FAM185A: variants seen among roughly 807,000 people sequenced by gnomAD.
FAM185A encodes protein FAM185A.
A neutral mutation model predicts 45.7 loss-of-function variants in FAM185A; 21 were observed. The observed-to-expected ratio is 0.46, with a 90% CI of 0.33 to 0.66. The LOEUF (loss-of-function observed/expected upper bound fraction) is 0.66, where lower values mean the gene tolerates loss of function less well. FAM185A is among the 30% of genes least tolerant of loss of function. The pLI is 0.03. For synonymous variants in FAM185A, 117 were observed against 194.0 expected (o/e 0.60, Z 3.30); for missense variants, 305 against 485.4 (o/e 0.63, Z 3.49).
At chr7:102,845,912 AT>A in the FAM185A span, among the ~76,000 whole-genome samples, 35 of 152,338 alleles carry the variant, frequency 2.3e-4, no homozygotes, top group Non-Finnish European at 4.3e-4. Flanking sequence ...TTATCACAGC[AT>A]TATGACTAAA....
chr7:102,774,273 T>C (rs1794923160), intron 5 of FAM185A, among the ~76,000 whole-genome samples: 1 of 152,206 alleles, frequency 6.6e-6, no homozygotes, highest in South Asian at 2.1e-4. Flanking sequence ...ATACAAATGA[T>C]TTTTATAAAT....
At chr7:102,819,930 G>A in the FAM185A span, among the ~76,000 whole-genome samples, 2 of 152,194 alleles carry the variant, frequency 1.3e-5, no homozygotes, top group Non-Finnish European at 2.9e-5. Flanking sequence ...ATCGCAGAAA[G>A]CTGCATGCAA....
chr7:102,761,227 A>G, intron 3 of FAM185A, 46 bp from the exon 4 acceptor site: 1 of 1,494,262 alleles, frequency 6.7e-7, no homozygotes, highest in South Asian at 1.4e-5. Context: ...TTGGCTTTTT[A>G]CCAGTCTTTG....
the FAM185A span, among the ~76,000 whole-genome samples, chr7:102,833,951 A>T: frequency 6.6e-6 from 1 of 151,864 alleles, no homozygotes; most frequent in Non-Finnish European, 1.5e-5. Flanking sequence ...TACAAGAACA[A>T]AACAATCCAC....
intron 4 of FAM185A, among the ~76,000 whole-genome samples, chr7:102,767,629 T>C (rs1241616684): frequency 2.0e-5 from 3 of 149,756 alleles, no homozygotes; most frequent in Non-Finnish European, 3.0e-5. Flanking sequence ...GGGCATCTTA[T>C]ATACTTTTGA....
intron 7 of FAM185A, among the ~76,000 whole-genome samples, chr7:102,791,103 C>T (rs1796115105): frequency 1.3e-5 from 2 of 152,086 alleles, no homozygotes; most frequent in South Asian, 4.1e-4. Flanking sequence ...GGGAAAGTGG[C>T]ATAAAAGTAG....
At chr7:102,782,928 T>C (rs1017291230) in intron 6 of FAM185A, among the ~76,000 whole-genome samples, 3 of 150,568 alleles carry the variant, frequency 2.0e-5, no homozygotes, top group East Asian at 2.0e-4. Flanking sequence ...GAGACACACA[T>C]AGGCTCAAAA....
chr7:102,813,588 T>G, downstream of FAM185A: 1 of 1,560,376 alleles, frequency 6.4e-7, no homozygotes, highest in South Asian at 1.2e-5. Context: ...AGTGCAAAAT[T>G]TTCAAACTCA....
At chr7:102,813,411 T>C (rs866698052), downstream of FAM185A, 1 of 1,614,186 alleles carries the variant, frequency 6.2e-7, no homozygotes, top group Middle Eastern at 1.6e-4. Context: ...CTTTAGATGA[T>C]GTTATGTTGT....
chr7:102,833,596 C>CTT, the FAM185A span, among the ~76,000 whole-genome samples: 55 of 138,218 alleles, frequency 4.0e-4, 1 homozygote, highest in East Asian at 9.8e-3. Flanking sequence ...CCGGCTAATT[C>CTT]TTTTTTTTTT....
At chr7:102,762,923 A>G (rs199892444) in intron 4 of FAM185A, among the ~76,000 whole-genome samples, 11,030 of 140,046 alleles carry the variant, frequency 0.079, 639 homozygotes, top group East Asian at 0.2. Context: ...TGACTTTTAT[A>G]TAAGCATTGC....
chr7:102,808,308 G>GCAAA lies in FAM185A; in HGVS notation c.1087_1090dup (p.Arg364GlnfsTer3), dbSNP rs1797253582. The stretch of plus-strand genomic sequence containing the variant: ...GTTTTAGGACTCATGAATCAAGCAA[G>GCAAA]CAAACGTGAAAAATGGATTAAGGCT... On this transcript the variant is annotated frameshift_variant, in exon 8 of 8. Transcript: ENST00000413034. LOFTEE classifies it high-confidence loss of function. 1 of 1,551,634 alleles carries GCAAA rather than the reference G, an allele frequency of 6.4e-7. No homozygotes were observed. Among genetic ancestry groups the GCAAA allele is most frequent in the Admixed American group, 2.0e-5 (1 of 50,974 alleles).
chr7:102,834,086 A>AAGGAAAGGAAAG, the FAM185A span, among the ~76,000 whole-genome samples: 1 of 93,678 alleles, frequency 1.1e-5, no homozygotes. Flanking sequence ...GGAAGGAAAG[A>AAGGAAAGGAAAG]AAAGAAAGAA....
chr7:102,811,833 C>T (rs1797452356), downstream of FAM185A, among the ~76,000 whole-genome samples: 2 of 152,132 alleles, frequency 1.3e-5, no homozygotes, highest in South Asian at 4.1e-4. Context: ...GATTCTGTTG[C>T]CTGTGTGCCC....
At chr7:102,843,669 C>T in the FAM185A span, among the ~76,000 whole-genome samples, 1 of 151,514 alleles carries the variant, frequency 6.6e-6, no homozygotes, top group East Asian at 1.9e-4. Flanking sequence ...CCAGCTACTC[C>T]AGAGGTTGAG....
chr7:102,829,665 T>C, the FAM185A span, among the ~76,000 whole-genome samples: 7 of 152,300 alleles, frequency 4.6e-5, no homozygotes, highest in African/African-American at 7.2e-5. Context: ...CTTGGCATTT[T>C]AGTGTCGAGT....
chr7:102,837,423 T>C, the FAM185A span, among the ~76,000 whole-genome samples: 1 of 152,220 alleles, frequency 6.6e-6, no homozygotes, highest in Non-Finnish European at 1.5e-5. Flanking sequence ...AAAGACACTT[T>C]CATGATGAAA....
intron 6 of FAM185A, among the ~76,000 whole-genome samples, chr7:102,778,294 T>C (rs1795195170): frequency 6.6e-6 from 1 of 152,262 alleles, no homozygotes; most frequent in Non-Finnish European, 1.5e-5. Flanking sequence ...CTCAATATCA[T>C]ATTTTCTCCC....
downstream of FAM185A, among the ~76,000 whole-genome samples, chr7:102,809,986 T>C (rs1274156683): frequency 6.6e-6 from 1 of 152,142 alleles, no homozygotes; most frequent in African/African-American, 2.4e-5. Flanking sequence ...GCTCCTGCTC[T>C]TGCCATGTGA....
Sources: allele counts gnomAD v4.1 joint callset (sites outside exome capture counted in the v4.1 genomes callset), GRCh38; gene constraint gnomAD v4.1.1; transcripts MANE v1.5; gene names NCBI Gene and HGNC (gene_info 2026-07-23, HGNC 2026-07-21).